Variants in FAR2 observed in about 807,000 individuals in gnomAD.
FAR2 encodes the protein fatty acyl-CoA reductase 2, also known as epididymis secretory protein Li 81.
FAR2 carries 19 observed loss-of-function variants against 56.0 expected under a neutral mutation model. The observed-to-expected ratio is 0.34, with a 90% CI of 0.24 to 0.50. The LOEUF (loss-of-function observed/expected upper bound fraction) is 0.50. Among genes scored for constraint, FAR2 ranks in the 20% least tolerant of loss-of-function variants. The pLI is 0.98. For synonymous variants in FAR2, 219 were observed against 218.8 expected (o/e 1.00, Z -0.01); for missense variants, 508 against 642.2 (o/e 0.79, Z 2.26).
chr12:29,236,506 A>T (rs1947944023), intron 1 of FAR2, among the ~76,000 whole-genome samples: 1 of 152,210 alleles, frequency 6.6e-6, no homozygotes, highest in African/African-American at 2.4e-5. Context: ...GGCACTTACA[A>T]TCATGGTGAA....
intron 1 of FAR2, among the ~76,000 whole-genome samples, chr12:29,212,211 C>T (rs1046559933): frequency 8.5e-5 from 13 of 152,088 alleles, no homozygotes; most frequent in African/African-American, 3.1e-4. Context: ...AAAGCAAATA[C>T]TTAAAAATCT....
At chr12:29,248,621 A>T (rs896190655) in intron 1 of FAR2, among the ~76,000 whole-genome samples, 2 of 152,208 alleles carry the variant, frequency 1.3e-5, no homozygotes, top group Non-Finnish European at 2.9e-5. Context: ...CATTGATAAC[A>T]TCTTATCAGG....
At chr12:29,224,691 T>C (rs1277443449) in intron 1 of FAR2, among the ~76,000 whole-genome samples, 3 of 152,212 alleles carry the variant, frequency 2.0e-5, no homozygotes, top group Non-Finnish European at 4.4e-5. Flanking sequence ...TGTTTCTTTT[T>C]CTTCATCTGG....
intron 10 of FAR2, among the ~76,000 whole-genome samples, chr12:29,326,669 A>G (rs1949653593): frequency 6.6e-6 from 1 of 152,244 alleles, no homozygotes; most frequent in Non-Finnish European, 1.5e-5. Flanking sequence ...TTAGCTCAAT[A>G]GACGGAGAAA....
At chr12:29,241,284 CT>C (rs928497793) in intron 1 of FAR2, among the ~76,000 whole-genome samples, 13 of 151,606 alleles carry the variant, frequency 8.6e-5, no homozygotes, top group Non-Finnish European at 1.3e-4. Flanking sequence ...TCCACTTCAT[CT>C]TTTTTTTTCT....
At chr12:29,273,144 A>G (rs930139700) in intron 2 of FAR2, among the ~76,000 whole-genome samples, 1 of 152,110 alleles carries the variant, frequency 6.6e-6, no homozygotes, top group Non-Finnish European at 1.5e-5. Flanking sequence ...AGGACCGTTT[A>G]ACGAACCACT....
At chr12:29,184,116 A>C (rs910238017) in intron 1 of FAR2, among the ~76,000 whole-genome samples, 1 of 152,208 alleles carries the variant, frequency 6.6e-6, no homozygotes, top group Admixed American at 6.5e-5. Context: ...ACCTCAATAA[A>C]AACAAGTATC....
chr12:29,275,630 T>C (rs925492479), intron 2 of FAR2, among the ~76,000 whole-genome samples: 1 of 152,158 alleles, frequency 6.6e-6, no homozygotes, highest in African/African-American at 2.4e-5. Flanking sequence ...CAATCACCCC[T>C]GCTTCTAGTA....
intron 10 of FAR2, among the ~76,000 whole-genome samples, chr12:29,327,905 G>T (rs1949673763): frequency 6.6e-6 from 1 of 151,998 alleles, no homozygotes; most frequent in African/African-American, 2.4e-5. Flanking sequence ...TTGACAAATG[G>T]GATCTAATTA....
At chr12:29,228,131 T>TA (rs1170209057) in intron 1 of FAR2, among the ~76,000 whole-genome samples, 9 of 137,978 alleles carry the variant, frequency 6.5e-5, no homozygotes, top group South Asian at 2.4e-4. Context: ...TAGAGTATAA[T>TA]AAAAAAAAGG....
At chr12:29,294,755 T>A (rs1949029299) in intron 3 of FAR2, among the ~76,000 whole-genome samples, 1 of 152,242 alleles carries the variant, frequency 6.6e-6, no homozygotes, top group Non-Finnish European at 1.5e-5. Flanking sequence ...CTAGTATTTT[T>A]ATGGTTTCAT....
At chr12:29,285,701 A>C (rs1948863330) in intron 2 of FAR2, among the ~76,000 whole-genome samples, 1 of 152,198 alleles carries the variant, frequency 6.6e-6, no homozygotes, top group African/African-American at 2.4e-5. Context: ...CAGACAGATC[A>C]CAAGGTGAGG....
rs368203283 is a variant in FAR2 at position 29,333,809 on chromosome 12, C to T, written c.*15C>T. 1.8e-5 allele frequency: 29 copies of T among 1,610,698 alleles called. No homozygotes were observed. In the African/African-American group the frequency reaches 2.8e-4, roughly 16 times the overall value. On this transcript the variant is annotated 3_prime_UTR_variant, in exon 12 of 12. Transcript: ENST00000536681. ...TCAAAGTTTAAGAGCATTTAGCCAT[C>T]GCTTTTTATCTGGAACCTCTCAGAT...
chr12:29,259,244 T>C (rs1948377262), intron 1 of FAR2, among the ~76,000 whole-genome samples: 1 of 152,158 alleles, frequency 6.6e-6, no homozygotes, highest in Non-Finnish European at 1.5e-5. Flanking sequence ...GTGGGTGTAG[T>C]AATTTTTCGC....
chr12:29,270,967 T>C (rs16934083), intron 2 of FAR2, among the ~76,000 whole-genome samples: 9,565 of 152,306 alleles, frequency 0.063, 398 homozygotes, highest in South Asian at 0.13. Flanking sequence ...AATTTTCTTT[T>C]AAATTTAAGG....
At chr12:29,197,026 T>C (rs1437115477) in intron 1 of FAR2, among the ~76,000 whole-genome samples, 3 of 152,212 alleles carry the variant, frequency 2.0e-5, no homozygotes, top group Non-Finnish European at 4.4e-5. Flanking sequence ...CTTAATCTAT[T>C]TGAAGTCATA....
At chr12:29,209,256 G>A (rs1389483858) in intron 1 of FAR2, among the ~76,000 whole-genome samples, 4 of 152,102 alleles carry the variant, frequency 2.6e-5, no homozygotes, top group Non-Finnish European at 5.9e-5. Flanking sequence ...AGCAGTTATT[G>A]CCTTTAGAGA....
chr12:29,237,265 G>A lies in FAR2; in HGVS notation c.-38-33147G>A, dbSNP rs370068514. On this transcript the variant is annotated intron_variant, in intron 1 of 11. Coordinates refer to ENST00000536681, the MANE Select transcript of FAR2 (RefSeq NM_001271783.2). ...CCTAAGGCACTTTCCAGGGTCTACA[G>A]GATCAAAATCATTTTCATAAAAATA... 2.4e-4 allele frequency among the ~76,000 whole-genome samples: 37 copies of A among 152,194 alleles called. No homozygotes were observed. In the East Asian group the frequency reaches 2.9e-3, roughly 12 times the overall value.
chr12:29,246,089 T>A lies in FAR2; in HGVS notation c.-38-24323T>A, dbSNP rs1410674279. On this transcript the variant is annotated intron_variant, in intron 1 of 11. Coordinates refer to ENST00000536681, the MANE Select transcript of FAR2 (RefSeq NM_001271783.2). ...ATATAGTTATAGTTTTATATTTTTT[T>A]AATATATACATCAAATTTTCCTTTT... Among the ~76,000 whole-genome samples the A allele has an allele frequency of 4.6e-5, 7 of 151,860 alleles. No homozygotes were observed. In the East Asian group the frequency reaches 1.2e-3, roughly 25 times the overall value.
Sources: gnomAD v4.1 joint callset for allele counts (sites outside exome capture counted in the v4.1 genomes callset) on GRCh38, gnomAD v4.1.1 for gene constraint, MANE v1.5 for transcripts, NCBI Gene and HGNC (gene_info 2026-07-23, HGNC 2026-07-21) for gene names.